The following CCDC88A variants were observed in gnomAD, a reference collection of about 807,000 sequenced individuals.
CCDC88A encodes the protein coiled-coil and HOOK domain protein 88A, also known as girdin.
A neutral mutation model predicts 234.3 loss-of-function variants in CCDC88A; 54 were observed. The observed-to-expected ratio is 0.23, with a 90% CI of 0.19 to 0.29. The LOEUF is 0.29. CCDC88A is among the 10% of genes least tolerant of loss of function. The pLI, the probability that CCDC88A is intolerant of heterozygous loss-of-function variation, is 1.00. For synonymous variants in CCDC88A, 753 were observed against 737.8 expected (o/e 1.02, Z -0.33); for missense variants, 1,832 against 2,123.4 (o/e 0.86, Z 2.70).
chr2:55,322,675 T>G lies in CCDC88A; in HGVS notation c.3015A>C (p.Glu1005Asp), dbSNP rs1233176538. The G allele has an allele frequency of 6.5e-7, 1 of 1,532,082 alleles. No homozygotes were observed. Among genetic ancestry groups the G allele is most frequent in the Non-Finnish European group, 8.8e-7 (1 of 1,142,416 alleles). 94.9% of individuals were successfully genotyped at this position (1,532,082 alleles called of 1,614,324 possible). A position where few individuals can be genotyped will look rare whatever the true frequency, so the allele number is the denominator to read the frequency against. Reference protein sequence around the residue: ...QELKTVKKNYEALKQRQDEER... With the variant: ...QELKTVKKNYDALKQRQDEER... Reference sequence around the variant, plus strand: ...CCTCATCTTGTCTCTGTTTGAGAGCTTCATAATTTTTTTTCACCTAAAATT... The same window carrying G: ...CCTCATCTTGTCTCTGTTTGAGAGCGTCATAATTTTTTTTCACCTAAAATT... Residue 1005 changes from glutamate (E) to aspartate (D), a missense_variant, in exon 18 of 33, where the codon GAA becomes GAC. By Grantham distance (45) the Glu-to-Asp change is conservative (BLOSUM62 2). Coordinates refer to ENST00000436346, the MANE Select transcript of CCDC88A (RefSeq NM_001365480.1).
intron 3 of CCDC88A, among the ~76,000 whole-genome samples, chr2:55,386,459 GTATTT>G (rs70954113): frequency 3.8e-4 from 56 of 145,820 alleles, no homozygotes; most frequent in Non-Finnish European, 4.2e-4. Context: ...TTTGTAGATT[GTATTT>G]TATTTTATTT....
At chr2:55,374,304 G>T (rs1333161497) in intron 4 of CCDC88A, among the ~76,000 whole-genome samples, 1 of 152,082 alleles carries the variant, frequency 6.6e-6, no homozygotes, top group Non-Finnish European at 1.5e-5. Context: ...GGAGGTTGAG[G>T]TTGCAGTGAG....
chr2:55,308,378 C>A (rs1212994497), intron 25 of CCDC88A: 1 of 153,882 alleles, frequency 6.5e-6, no homozygotes, highest in Non-Finnish European at 1.4e-5. Context: ...CAATGTGACA[C>A]CATCAAAGTA....
intron 2 of CCDC88A, among the ~76,000 whole-genome samples, chr2:55,390,043 AAAAAAAT>A (rs1454272609): frequency 2.8e-5 from 4 of 141,228 alleles, no homozygotes; most frequent in African/African-American, 1.0e-4. Context: ...TCAAAAAAAA[AAAAAAAT>A]AAAAAATAAA....
intron 6 of CCDC88A, 46 bp downstream of exon 6, chr2:55,363,904 C>G: frequency 9.5e-7 from 1 of 1,051,972 alleles, no homozygotes; most frequent in Non-Finnish European, 1.4e-6. Flanking sequence ...AATAAACACA[C>G]CACAAGCTTC....
In CCDC88A at chr2:55,384,592, C is replaced by CATATAT. The variant is rs1197797141; in HGVS notation, c.273+4180_273+4185dup. Reference sequence around the variant, plus strand: ...ATACGTATATATGTGTATATATACACATATATACGTATATATGTGTATATA... The same window carrying CATATAT: ...ATACGTATATATGTGTATATATACACATATATATATATACGTATATATGTGTATATA... On this transcript the variant is annotated intron_variant, in intron 3 of 32. Transcript: ENST00000436346. 1.2e-4 allele frequency among the ~76,000 whole-genome samples: 9 copies of CATATAT among 76,224 alleles called. 1 individual carries two copies. Among genetic ancestry groups the CATATAT allele is most frequent in the Non-Finnish European group, 2.0e-4 (8 of 39,806 alleles). The allele number at this position is 76,224 out of a possible 152,430, so 50.0% of individuals were successfully genotyped here.
At chr2:55,321,735 A>T (rs1484856883) in intron 18 of CCDC88A, among the ~76,000 whole-genome samples, 1 of 152,178 alleles carries the variant, frequency 6.6e-6, no homozygotes, top group East Asian at 1.9e-4. Context: ...GTATAGCATG[A>T]TCCCACAGGT....
chr2:55,398,434 G>A (rs527236809), intron 2 of CCDC88A, among the ~76,000 whole-genome samples: 2 of 152,090 alleles, frequency 1.3e-5, no homozygotes, highest in South Asian at 2.1e-4. Flanking sequence ...AAGCACTCTC[G>A]GCATGGATCT....
chr2:55,398,348 T>G (rs1416204197), intron 2 of CCDC88A, among the ~76,000 whole-genome samples: 1 of 152,224 alleles, frequency 6.6e-6, no homozygotes, highest in African/African-American at 2.4e-5. Context: ...AAGTTCCTAT[T>G]TCTTTATAAT....
chr2:55,315,876 C>T (rs1034812785), intron 22 of CCDC88A, 52 bp downstream of exon 22: 1 of 937,698 alleles, frequency 1.1e-6, no homozygotes, highest in Non-Finnish European at 1.5e-6. Context: ...ATTTCTTAGG[C>T]ATGTCTTGGT....
intron 3 of CCDC88A, among the ~76,000 whole-genome samples, chr2:55,378,632 T>A (rs1186646560): frequency 1.3e-5 from 2 of 152,274 alleles, no homozygotes; most frequent in Admixed American, 6.5e-5. Flanking sequence ...AACATTAGGT[T>A]GAAAAAAGGC....
At chr2:55,359,852 C>T (rs1480658531) in intron 7 of CCDC88A, among the ~76,000 whole-genome samples, 3 of 62,374 alleles carry the variant, frequency 4.8e-5, no homozygotes, top group Non-Finnish European at 9.2e-5. Flanking sequence ...TACATCAATG[C>T]TAACAACAAA....
chr2:55,349,951 C>T (rs558839772), intron 8 of CCDC88A: 36 of 160,784 alleles, frequency 2.2e-4, no homozygotes, highest in Non-Finnish European at 2.4e-4. Context: ...TTTTTTGAGA[C>T]GGAGTCTGGC....
chr2:55,301,224 T>C lies in CCDC88A; in HGVS notation c.4726A>G (p.Thr1576Ala), dbSNP rs768166766. The C allele has an allele frequency of 6.3e-7, 1 of 1,594,240 alleles. No homozygotes were observed. The highest frequency in any genetic ancestry group is 2.3e-5 in the East Asian group (1 of 44,366). Residue 1576 changes from threonine (T) to alanine (A), a missense_variant, in exon 28 of 33, where the codon ACG becomes GCG. Thr to Ala is a moderately conservative substitution (Grantham distance 58, BLOSUM62 0). Around this residue, in one of 6 missense-constraint regions of CCDC88A, gnomAD observed 422 missense variants for 416.5 expected, o/e 1.01. Coordinates refer to ENST00000436346, the MANE Select transcript of CCDC88A (RefSeq NM_001365480.1). The part of the protein sequence containing the change: ...SPQGVSDDSS[T>A]GSRVHASRPA... The stretch of plus-strand genomic sequence containing the variant: ...ATCTTACCATGAACTCTTGATCCCG[T>C]ACTAGAATCATCACTAACACCTTGT...
intron 3 of CCDC88A, 134 bp from the exon 4 acceptor site, chr2:55,375,017 T>C (rs181206025): frequency 3.8e-6 from 2 of 533,074 alleles, no homozygotes; most frequent in Non-Finnish European, 6.9e-6. Flanking sequence ...GAAAAAGTTA[T>C]ATAAGGTCTT....
At chr2:55,365,886 T>C (rs1247755353) in intron 5 of CCDC88A, among the ~76,000 whole-genome samples, 2 of 152,204 alleles carry the variant, frequency 1.3e-5, no homozygotes, top group Non-Finnish European at 2.9e-5. Flanking sequence ...ATTAGCTATA[T>C]GCAGCTACTG....
At chr2:55,367,879 T>TCA (rs1188112728) in intron 5 of CCDC88A, among the ~76,000 whole-genome samples, 1 of 152,136 alleles carries the variant, frequency 6.6e-6, no homozygotes, top group East Asian at 1.9e-4. Flanking sequence ...TCAGTTACTT[T>TCA]CAGCACTACC....
chr2:55,364,967 A>C (rs1192897377), intron 5 of CCDC88A, among the ~76,000 whole-genome samples: 1 of 152,192 alleles, frequency 6.6e-6, no homozygotes, highest in East Asian at 1.9e-4. Context: ...CAATATAGTC[A>C]CAAAATTACA....
chr2:55,298,040 A>T (rs1191459144), intron 29 of CCDC88A, among the ~76,000 whole-genome samples: 1 of 152,212 alleles, frequency 6.6e-6, no homozygotes, highest in Non-Finnish European at 1.5e-5. Flanking sequence ...ATAACCTTAA[A>T]AGACTCAGTT....
Sources: gnomAD v4.1 joint callset for allele counts (sites outside exome capture counted in the v4.1 genomes callset) on GRCh38, gnomAD v4.1.1 for gene constraint, gnomAD v4.1.1 regional missense constraint, MANE v1.5 for transcripts, NCBI Gene and HGNC (gene_info 2026-07-23, HGNC 2026-07-21) for gene names.